The following VGLL4 variants were observed in gnomAD, a reference collection of about 807,000 sequenced individuals.
VGLL4 encodes the protein vestigial like family member 4.
VGLL4 carries 7 observed loss-of-function variants against 21.0 expected under a neutral mutation model. The ratio of observed to expected loss-of-function variants is 0.33; its 90% CI spans 0.19 to 0.63. The LOEUF is 0.63. Among genes scored for constraint, VGLL4 ranks in the 20% least tolerant of loss-of-function variants. VGLL4 has a pLI of 0.78. For synonymous variants in VGLL4, 222 were observed against 173.2 expected, an observed-to-expected ratio of 1.28 and a Z score of -2.21; for missense variants, 394 against 425.7, an observed-to-expected ratio of 0.93 and a Z score of 0.66.
At chr3:11,569,924 T>C (rs1226346851) in intron 2 of VGLL4, among the ~76,000 whole-genome samples, 2 of 152,168 alleles carry the variant, frequency 1.3e-5, no homozygotes, top group Non-Finnish European at 2.9e-5. Flanking sequence ...TTAAAAAGCT[T>C]CCTCAGAAAA....
At chr3:11,652,582 G>A (rs897010111) in intron 2 of VGLL4, among the ~76,000 whole-genome samples, 7 of 152,194 alleles carry the variant, frequency 4.6e-5, no homozygotes, top group South Asian at 2.1e-4. Context: ...CACCACGCCC[G>A]GGTAATTTTT....
chr3:11,587,907 A>T (rs2074396752), intron 2 of VGLL4, among the ~76,000 whole-genome samples: 1 of 152,258 alleles, frequency 6.6e-6, no homozygotes, highest in Non-Finnish European at 1.5e-5. Flanking sequence ...TGAAAGAAGC[A>T]TCACGGGCAG....
chr3:11,679,355 T>C lies in VGLL4; in HGVS notation c.64+23616A>G, dbSNP rs184483919. Among the ~76,000 whole-genome samples the C allele has an allele frequency of 6.0e-5, 9 of 150,432 alleles. No individual in the cohort carries two copies. The East Asian group carries it at 1.7e-3, about 29-fold the overall frequency. On this transcript the variant is annotated intron_variant, in intron 2 of 5. Transcript: ENST00000273038. ...GCCTGAGTTTTTAACAAAAAAGTTT[T>C]AAAAGTAAAAATTGAAAAAAAAAAA...
At chr3:11,583,043 C>T (rs1302975047) in intron 2 of VGLL4, among the ~76,000 whole-genome samples, 4 of 152,166 alleles carry the variant, frequency 2.6e-5, no homozygotes, top group African/African-American at 7.2e-5. Context: ...TAGCCATACG[C>T]CAGCATCAAG....
chr3:11,650,264 GT>G (rs1351034099), intron 2 of VGLL4, among the ~76,000 whole-genome samples: 1 of 152,126 alleles, frequency 6.6e-6, no homozygotes, highest in Non-Finnish European at 1.5e-5. Context: ...GTTAATTATG[GT>G]TGTGCCTCAG....
chr3:11,609,993 G>A (rs569455054), intron 1 of VGLL4, among the ~76,000 whole-genome samples: 5 of 152,258 alleles, frequency 3.3e-5, no homozygotes, highest in South Asian at 4.1e-4. Context: ...AAGGCTTTAC[G>A]TTCAGCCCCC....
intron 2 of VGLL4, among the ~76,000 whole-genome samples, chr3:11,575,602 C>A (rs1203261059): frequency 1.3e-5 from 2 of 152,224 alleles, no homozygotes; most frequent in African/African-American, 4.8e-5. Flanking sequence ...TGCACTTACC[C>A]AGCGGCAGCC....
chr3:11,584,594 G>A (rs1167044590), intron 2 of VGLL4, among the ~76,000 whole-genome samples: 2 of 152,290 alleles, frequency 1.3e-5, no homozygotes, highest in East Asian at 1.9e-4. Flanking sequence ...ATATGAGATG[G>A]GAGGAAGGAT....
chr3:11,599,774 C>A (rs996337685), intron 2 of VGLL4, among the ~76,000 whole-genome samples: 3 of 149,908 alleles, frequency 2.0e-5, no homozygotes, highest in African/African-American at 7.4e-5. Flanking sequence ...CCCACCTTGG[C>A]CTCCCAAAGT....
At chr3:11,570,834 C>G (rs770583618) in intron 2 of VGLL4, among the ~76,000 whole-genome samples, 1 of 152,206 alleles carries the variant, frequency 6.6e-6, no homozygotes, top group Non-Finnish European at 1.5e-5. Context: ...ATCCAAAGCA[C>G]CCCACAACAC....
rs2073649981 is a variant in VGLL4 at position 11,568,690 on chromosome 3, G to T, written c.273-3671C>A. ...GCTCGCCCGGATGAATCACCTCCCG[G>T]CCACTGCTTCCCAGGCGTCATGTGC... On this transcript the variant is annotated intron_variant, in intron 2 of 4. Transcript: ENST00000430365. This position sits in a 1 kb window ranked among gnomAD's most constrained non-coding sequence, Gnocchi z 5.9. 1.3e-6 allele frequency: 2 copies of T among 1,551,692 alleles called. No homozygotes were observed. The highest frequency in any genetic ancestry group is 1.7e-6 in the Non-Finnish European group (2 of 1,147,130).
Position 11,625,717 on chromosome 3 carries a change from A to ATT in VGLL4, c.82+17718_82+17719dup, listed in dbSNP as rs10707702. Among the ~76,000 whole-genome samples the ATT allele has an allele frequency of 8.6e-3, 1,290 of 150,358 alleles. 8 individuals are homozygous for ATT. The highest frequency in any genetic ancestry group is 0.014 in the African/African-American group (556 of 40,910). ...GAGCTAGTATTGCTTCTTTAAAAAC[A>ATT]TTTTTTTTTTTTGTAAATAAAATGT... On this transcript the variant is annotated intron_variant, in intron 1 of 4. Transcript: ENST00000430365.
In VGLL4 at chr3:11,557,688, G is replaced by C. The variant is rs1316785630; in HGVS notation, c.*868C>G. 6.5e-6 allele frequency: 1 copy of C among 152,766 alleles called. No homozygotes were observed. Among genetic ancestry groups the C allele is most frequent in the East Asian group, 1.9e-4 (1 of 5,336 alleles). 9.5% of individuals were successfully genotyped at this position (152,766 alleles called of 1,614,324 possible). ...GAAGATAGTAAGTATTAAGGTTTTT[G>C]TTTACTGTCTATATAATTAATAGAA... On this transcript the variant is annotated 3_prime_UTR_variant, in exon 5 of 5. Transcript: ENST00000430365.
rs2125349674 is a variant in VGLL4, at chr3:11,657,348, T to C, written c.64+45623A>G. 2.0e-5 allele frequency among the ~76,000 whole-genome samples: 3 copies of C among 152,204 alleles called. No homozygotes were observed. In the South Asian group the frequency reaches 6.2e-4, roughly 32 times the overall value. Reference sequence around the variant, plus strand: ...ACGGTAACTGGTATTTCTAGGAGGGTTGGCTCCTGGGTTTATGCTGTTTTT... The same window carrying C: ...ACGGTAACTGGTATTTCTAGGAGGGCTGGCTCCTGGGTTTATGCTGTTTTT... On this transcript the variant is annotated intron_variant, in intron 2 of 5. Coordinates refer to the VGLL4 transcript ENST00000273038.
intron 1 of VGLL4, among the ~76,000 whole-genome samples, chr3:11,603,813 G>A (rs1575441892): frequency 6.6e-6 from 1 of 152,288 alleles, no homozygotes; most frequent in Non-Finnish European, 1.5e-5. Flanking sequence ...AGTTGCTATG[G>A]AAAACAACCA....
intron 2 of VGLL4, among the ~76,000 whole-genome samples, chr3:11,689,114 A>T (rs533755973): frequency 1.3e-5 from 2 of 152,254 alleles, no homozygotes; most frequent in East Asian, 3.9e-4. Flanking sequence ...ACAATGAACA[A>T]ATGTTCTTAA....
chr3:11,615,964 C>T (rs1274822257), intron 1 of VGLL4, among the ~76,000 whole-genome samples: 3 of 152,226 alleles, frequency 2.0e-5, no homozygotes, highest in African/African-American at 7.2e-5. Flanking sequence ...TCTTCCTTCT[C>T]ACATCACCTC....
intron 2 of VGLL4, among the ~76,000 whole-genome samples, chr3:11,577,683 G>A (rs1469352523): frequency 3.3e-5 from 5 of 152,148 alleles, no homozygotes; most frequent in Non-Finnish European, 1.5e-5. Context: ...AGAGAGATGT[G>A]GAATCCCAGC....
intron 1 of VGLL4, among the ~76,000 whole-genome samples, chr3:11,629,910 C>T (rs1379614502): frequency 6.6e-6 from 1 of 152,116 alleles, no homozygotes; most frequent in Non-Finnish European, 1.5e-5. Flanking sequence ...TTTATTTTAA[C>T]AGGCCAGTGG....
Sources: gnomAD v4.1 joint callset for allele counts (sites outside exome capture counted in the v4.1 genomes callset) on GRCh38, gnomAD v4.1.1 for gene constraint, Gnocchi (gnomAD v3.1) non-coding constraint, MANE v1.5 for transcripts, NCBI Gene and HGNC (gene_info 2026-07-23, HGNC 2026-07-21) for gene names.